ABCB7: variants seen among roughly 807,000 people sequenced by gnomAD.
The protein encoded by ABCB7 is ATP binding cassette subfamily B member 7, also known as iron-sulfur clusters transporter ABCB7, mitochondrial.
ABCB7 carries 7 observed loss-of-function variants against 54.4 expected under a neutral mutation model. The ratio of observed to expected loss-of-function variants is 0.13; its 90% CI spans 0.07 to 0.24. The LOEUF is 0.24. Ranked by LOEUF, ABCB7 falls within the 10% of genes least tolerant of loss-of-function variation. The pLI is 1.00. For missense variants in ABCB7, 356 were observed against 570.4 expected, an observed-to-expected ratio of 0.62 and a Z score of 3.83; for synonymous variants, 218 against 207.1, an observed-to-expected ratio of 1.05 and a Z score of -0.45.
At chrX:75,154,583 C>T (rs752396692) in intron 1 of ABCB7, among the ~76,000 whole-genome samples, 5 of 111,962 alleles carry the variant, frequency 4.5e-5, no homozygotes, top group African/African-American at 1.6e-4. Flanking sequence ...GTCTAAACTA[C>T]GTGCAGTTCT....
intron 4 of ABCB7, among the ~76,000 whole-genome samples, chrX:75,092,958 C>T (rs767562062): frequency 4.3e-4 from 48 of 111,750 alleles, no homozygotes; most frequent in Non-Finnish European, 7.9e-4. Context: ...TTATTCATTG[C>T]TTGTAGGAAT....
chrX:75,133,238 A>G (rs1393790995), intron 1 of ABCB7, among the ~76,000 whole-genome samples: 1 of 112,283 alleles, frequency 8.9e-6, no homozygotes, highest in Non-Finnish European at 1.9e-5. Context: ...AGAATCTCAA[A>G]GCTCAAAAAC....
At chrX:75,146,693 T>TA (rs1243296963) in intron 1 of ABCB7, among the ~76,000 whole-genome samples, 1 of 111,816 alleles carries the variant, frequency 8.9e-6, no homozygotes, top group East Asian at 2.8e-4. Flanking sequence ...GACTTACATG[T>TA]AAAATCCAAA....
chrX:75,079,155 G>A (rs2081434818), intron 4 of ABCB7, among the ~76,000 whole-genome samples: 1 of 112,169 alleles, frequency 8.9e-6, no homozygotes, highest in Admixed American at 9.5e-5. Context: ...TTCAGGACGT[G>A]TGAGTGTCAT....
intron 4 of ABCB7, among the ~76,000 whole-genome samples, chrX:75,083,318 A>G (rs1234180530): frequency 9.0e-6 from 1 of 111,386 alleles, no homozygotes; most frequent in Non-Finnish European, 1.9e-5. Flanking sequence ...GACATTGCCT[A>G]ATGTCCTCAT....
At chrX:75,072,951 C>CT (rs1174967759) in intron 8 of ABCB7, among the ~76,000 whole-genome samples, 1 of 104,479 alleles carries the variant, frequency 9.6e-6, no homozygotes, top group Non-Finnish European at 2.0e-5. Context: ...ACTTTTTAAA[C>CT]TTTTTTGTTA....
chrX:75,129,123 G>T (rs1476618345), intron 1 of ABCB7, among the ~76,000 whole-genome samples: 4 of 111,777 alleles, frequency 3.6e-5, no homozygotes, highest in Non-Finnish European at 5.6e-5. Context: ...TATAAATCAT[G>T]CTACTATAAA....
intron 1 of ABCB7, among the ~76,000 whole-genome samples, chrX:75,123,900 G>A (rs953195108): frequency 1.8e-5 from 2 of 112,063 alleles, no homozygotes; most frequent in Admixed American, 9.5e-5. Context: ...TACATGATAA[G>A]CAAGTGAACA....
At chrX:75,125,846 T>TC (rs758490438) in intron 1 of ABCB7, among the ~76,000 whole-genome samples, 23 of 107,741 alleles carry the variant, frequency 2.1e-4, no homozygotes, top group African/African-American at 6.7e-4. Flanking sequence ...CTCTACCCAA[T>TC]CCCCCCCCAA....
At chrX:75,068,229 A>C (rs2081337547) in intron 12 of ABCB7, among the ~76,000 whole-genome samples, 3 of 110,901 alleles carry the variant, frequency 2.7e-5, no homozygotes, top group Admixed American at 9.6e-5. Flanking sequence ...TCACTCTCTT[A>C]CAGTTCTTCC....
intron 3 of ABCB7, among the ~76,000 whole-genome samples, chrX:75,110,150 T>C (rs925343733): frequency 8.9e-6 from 1 of 112,121 alleles, no homozygotes; most frequent in African/African-American, 3.2e-5. Context: ...AAATGGATTA[T>C]GCTACATATA....
chrX:75,146,982 A>C (rs2082095866), intron 1 of ABCB7, among the ~76,000 whole-genome samples: 1 of 110,968 alleles, frequency 9.0e-6, no homozygotes. Context: ...ACAAGAAAAA[A>C]AAACATAAAG....
At chrX:75,153,758 G>GTATATATA (rs1331840413) in intron 1 of ABCB7, among the ~76,000 whole-genome samples, 18 of 93,617 alleles carry the variant, frequency 1.9e-4, no homozygotes, top group East Asian at 1.3e-3. Flanking sequence ...GTGTGTGTGT[G>GTATATATA]TGTATATATA....
intron 1 of ABCB7, among the ~76,000 whole-genome samples, chrX:75,129,269 A>G (rs1403219316): frequency 9.0e-6 from 1 of 111,672 alleles, no homozygotes; most frequent in Non-Finnish European, 1.9e-5. Flanking sequence ...TGCAGCCACA[A>G]AAAAGGATGA....
Position 75,053,138 on chromosome X carries a change from A to G in ABCB7, c.*232T>C, listed in dbSNP as rs1246774661. 9.2e-6 allele frequency: 4 copies of G among 435,751 alleles called. No homozygotes were observed. The African/African-American group carries it at 9.9e-5, about 11-fold the overall frequency. The allele number at this position is 435,751 out of a possible 1,213,427, so 35.9% of individuals were successfully genotyped here. A position where few individuals can be genotyped will look rare whatever the true frequency, so the allele number is the denominator to read the frequency against. ...TGGTAATATCAAACAGGTAGCAAAA[A>G]GTATGCATTGAGCACAACCAGGACA... is the stretch of plus-strand genomic sequence containing the variant. On this transcript the variant is annotated 3_prime_UTR_variant, in exon 16 of 16. Coordinates refer to ENST00000373394, the MANE Select transcript of ABCB7 (RefSeq NM_001271696.3).
chrX:75,107,010 G>C (rs750811515), intron 3 of ABCB7, among the ~76,000 whole-genome samples: 6 of 110,990 alleles, frequency 5.4e-5, no homozygotes, highest in Non-Finnish European at 1.1e-4. Flanking sequence ...ACCCCTCCCC[G>C]ACACCGCAGA....
At chrX:75,114,616 C>T (rs2081791912) in intron 2 of ABCB7, 138 bp downstream of exon 2, 2 of 457,888 alleles carry the variant, frequency 4.4e-6, no homozygotes, top group Admixed American at 6.8e-5. Flanking sequence ...GAAGCAGAAA[C>T]ATACCTTCTT....
chrX:75,088,092 T>C (rs1201953522), intron 4 of ABCB7, among the ~76,000 whole-genome samples: 1 of 112,031 alleles, frequency 8.9e-6, no homozygotes, highest in Admixed American at 9.5e-5. Context: ...AAATTTTTTG[T>C]TCATATGGCC....
In ABCB7 at chrX:75,148,065, A is replaced by G. The variant is rs1367753215; in HGVS notation, c.168+8040T>C. Among the ~76,000 whole-genome samples the G allele has an allele frequency of 5.4e-5, 6 of 111,917 alleles. No homozygotes were observed. In the East Asian group the frequency reaches 1.7e-3, roughly 31 times the overall value. Reference sequence around the variant, plus strand: ...TGGGAGGCAGAGGTGGCAGTGAGCCAAGATTGTGCCACTGCATTCCAACCT... The same window carrying G: ...TGGGAGGCAGAGGTGGCAGTGAGCCGAGATTGTGCCACTGCATTCCAACCT... On this transcript the variant is annotated intron_variant, in intron 1 of 15. Transcript: ENST00000373394.
Sources: allele counts gnomAD v4.1 joint callset (sites outside exome capture counted in the v4.1 genomes callset), GRCh38; gene constraint gnomAD v4.1.1; transcripts MANE v1.5; gene names NCBI Gene and HGNC (gene_info 2026-07-23, HGNC 2026-07-21).